The following TEAD1 variants were observed in gnomAD, a reference collection of about 807,000 sequenced individuals.
TEAD1 encodes transcriptional enhancer factor TEF-1.
TEAD1 carries 9 observed loss-of-function variants against 54.9 expected under a neutral mutation model. That is an observed-to-expected ratio of 0.16 (90% CI 0.10 to 0.29). TEAD1 has a LOEUF of 0.29. Ranked by LOEUF, TEAD1 falls within the 10% of genes least tolerant of loss-of-function variation. The probability of loss-of-function intolerance (pLI) is 1.00; values close to 1 mark genes in which losing one functional copy is unlikely to be tolerated. For missense variants in TEAD1, 387 were observed against 535.9 expected, an observed-to-expected ratio of 0.72 and a Z score of 2.74; for synonymous variants, 200 against 187.8, an observed-to-expected ratio of 1.07 and a Z score of -0.53.
chr11:12,720,094 T>C (rs1287658698), intron 2 of TEAD1, among the ~76,000 whole-genome samples: 1 of 150,702 alleles, frequency 6.6e-6, no homozygotes, highest in Non-Finnish European at 1.5e-5. Flanking sequence ...GAGGGGCATC[T>C]CTCATTATAT....
At chr11:12,683,966 A>G (rs550549238) in intron 2 of TEAD1, among the ~76,000 whole-genome samples, 1 of 152,334 alleles carries the variant, frequency 6.6e-6, no homozygotes, top group Admixed American at 6.5e-5. Context: ...TGTGCCCACT[A>G]TATACCAGAC....
chr11:12,867,429 G>T (rs566556232), intron 5 of TEAD1, among the ~76,000 whole-genome samples: 1 of 152,308 alleles, frequency 6.6e-6, no homozygotes, highest in Non-Finnish European at 1.5e-5. Context: ...GAATGACATG[G>T]TCCTGGAGAC....
At chr11:12,912,646 A>G (rs1948637697) in intron 10 of TEAD1, among the ~76,000 whole-genome samples, 1 of 152,184 alleles carries the variant, frequency 6.6e-6, no homozygotes, top group Non-Finnish European at 1.5e-5. Context: ...ACGTAGTAGG[A>G]ATGAAATCAT....
At chr11:12,750,774 C>T (rs1944854617) in intron 2 of TEAD1, among the ~76,000 whole-genome samples, 1 of 152,206 alleles carries the variant, frequency 6.6e-6, no homozygotes, top group Admixed American at 6.5e-5. Context: ...AATACTTGGC[C>T]TGTGAGTCTG....
chr11:12,812,278 G>A (rs1434023852), intron 3 of TEAD1, among the ~76,000 whole-genome samples: 1 of 152,114 alleles, frequency 6.6e-6, no homozygotes, highest in African/African-American at 2.4e-5. Context: ...GATGCTTGGG[G>A]ATGGATGTGA....
chr11:12,696,043 C>G (rs1943573525), intron 2 of TEAD1, among the ~76,000 whole-genome samples: 1 of 152,200 alleles, frequency 6.6e-6, no homozygotes, highest in African/African-American at 2.4e-5. Context: ...AACAAGCAAG[C>G]AAGCTACAAA....
At position 12,901,980 on chromosome 11, in the gene TEAD1, A is replaced by G. The variant is rs369032801; in HGVS notation, c.740A>G (p.His247Arg). The change falls in exon 10 of 13, where the codon CAT becomes CGT. Residue 247 changes from histidine (H) to arginine (R), a missense_variant. This residue lies in a region of TEAD1 where 180 missense variants were observed against 180.6 expected (regional missense o/e 1.00). Coordinates refer to ENST00000527636, the MANE Select transcript of TEAD1 (RefSeq NM_021961.6). ...TTCGTGCACATTGGGCATGCCAACC[A>G]TTCTTACAGTGACCCATTGCTTGAA... The G allele has an allele frequency of 2.2e-5, 36 of 1,614,122 alleles. No homozygotes were observed. The highest frequency in any genetic ancestry group is 3.1e-5 in the Non-Finnish European group (36 of 1,180,054).
chr11:12,681,232 T>C (rs73421935), intron 2 of TEAD1, among the ~76,000 whole-genome samples: 7,622 of 152,276 alleles, frequency 0.05, 611 homozygotes, highest in African/African-American at 0.17. Context: ...TCATATTGTC[T>C]GAGCCGAGAA....
At chr11:12,852,657 A>G (rs1947300325) in intron 3 of TEAD1, among the ~76,000 whole-genome samples, 14 of 152,102 alleles carry the variant, frequency 9.2e-5, no homozygotes, top group Admixed American at 8.5e-4. Context: ...CATGTTGGCC[A>G]GGCTGGTCTC....
At chr11:12,890,681 C>T (rs942906458) in intron 9 of TEAD1, among the ~76,000 whole-genome samples, 1 of 152,168 alleles carries the variant, frequency 6.6e-6, no homozygotes, top group African/African-American at 2.4e-5. Flanking sequence ...GAAATTGAGC[C>T]AGAGCTCTGG....
intron 9 of TEAD1, among the ~76,000 whole-genome samples, chr11:12,897,878 T>C (rs1187966575): frequency 1.3e-5 from 2 of 152,196 alleles, no homozygotes; most frequent in African/African-American, 4.8e-5. Context: ...TTAGACATTT[T>C]CTTTTGGGGG....
chr11:12,925,753 C>T (rs1948894030), intron 11 of TEAD1, among the ~76,000 whole-genome samples: 1 of 152,082 alleles, frequency 6.6e-6, no homozygotes, highest in Non-Finnish European at 1.5e-5. Flanking sequence ...ATGATGCCCT[C>T]CCTACACCCA....
intron 11 of TEAD1, among the ~76,000 whole-genome samples, chr11:12,929,188 G>GTGTC (rs1948964007): frequency 1.2e-5 from 1 of 86,312 alleles, no homozygotes; most frequent in African/African-American, 4.1e-5. Flanking sequence ...GTGTGTGTGT[G>GTGTC]TGTGTGTGTG....
chr11:12,758,082 T>C (rs189744384), intron 2 of TEAD1, among the ~76,000 whole-genome samples: 2 of 151,988 alleles, frequency 1.3e-5, no homozygotes, highest in Admixed American at 1.3e-4. Context: ...TGCCTGGAGG[T>C]TCATTCTTTC....
At chr11:12,878,824 C>G in intron 5 of TEAD1, 1 of 1,081,446 alleles carries the variant, frequency 9.2e-7, no homozygotes, top group South Asian at 1.4e-5. Context: ...TTTTTTTTAA[C>G]CAAAGAAGAA....
At chr11:12,703,802 A>G (rs1242083944) in intron 2 of TEAD1, among the ~76,000 whole-genome samples, 1 of 152,170 alleles carries the variant, frequency 6.6e-6, no homozygotes, top group East Asian at 1.9e-4. Flanking sequence ...GACCTGCAGG[A>G]GCAGCCATCT....
Position 12,942,484 on chromosome 11 carries a change from G to A in TEAD1, c.*5262G>A, listed in dbSNP as rs1949170538. 6.6e-6 allele frequency: 1 copy of A among 152,198 alleles called. No individual in the cohort carries two copies. Among genetic ancestry groups the A allele is most frequent in the South Asian group, 2.1e-4 (1 of 4,826 alleles). 9.4% of individuals were successfully genotyped at this position (152,198 alleles called of 1,614,324 possible). ...TGTGTTTGTGTGTGCTGATGACCTA[G>A]TGTGTCATTTCACCTCGTCACCCAG... On this transcript the variant is annotated 3_prime_UTR_variant, in exon 13 of 13. Coordinates refer to ENST00000527636, the MANE Select transcript of TEAD1 (RefSeq NM_021961.6).
At chr11:12,678,346 C>A (rs1449622928) in intron 2 of TEAD1, among the ~76,000 whole-genome samples, 1 of 152,206 alleles carries the variant, frequency 6.6e-6, no homozygotes, top group Non-Finnish European at 1.5e-5. Flanking sequence ...TCCCCTTTGA[C>A]AAACCTAGGC....
At chr11:12,712,303 A>G (rs1009394991) in intron 2 of TEAD1, among the ~76,000 whole-genome samples, 2 of 152,148 alleles carry the variant, frequency 1.3e-5, no homozygotes, top group African/African-American at 2.4e-5. Flanking sequence ...TTTTCTTCCT[A>G]CCACTCTGAC....
Sources: gnomAD v4.1 joint callset for allele counts (sites outside exome capture counted in the v4.1 genomes callset) on GRCh38, gnomAD v4.1.1 for gene constraint, gnomAD v4.1.1 regional missense constraint, MANE v1.5 for transcripts, NCBI Gene and HGNC (gene_info 2026-07-23, HGNC 2026-07-21) for gene names.